MYOM1: variants seen among roughly 807,000 people sequenced by gnomAD.
The protein encoded by MYOM1 is myomesin 1, also known as myomesin-1.
MYOM1 carries 164 observed loss-of-function variants against 205.3 expected under a neutral mutation model. The observed-to-expected ratio is 0.80, with a 90% confidence interval of 0.70 to 0.91. The LOEUF (loss-of-function observed/expected upper bound fraction) is 0.91, where lower values mean the gene tolerates loss of function less well. MYOM1 is among the 40% of genes least tolerant of loss of function. MYOM1 has a pLI of 0.00. For missense variants in MYOM1, 2,011 were observed against 2,127.3 expected, an observed-to-expected ratio of 0.95 and a Z score of 1.08; for synonymous variants, 772 against 789.4, an observed-to-expected ratio of 0.98 and a Z score of 0.37.
chr18:3,150,029 T>A (rs146813501), intron 12 of MYOM1, among the ~76,000 whole-genome samples: 1 of 152,172 alleles, frequency 6.6e-6, no homozygotes, highest in Non-Finnish European at 1.5e-5. Flanking sequence ...AGGAGCCTGA[T>A]GAGACACGGT....
At chr18:3,243,181 C>G in the MYOM1 span, among the ~76,000 whole-genome samples, 2 of 152,020 alleles carry the variant, frequency 1.3e-5, no homozygotes, top group Non-Finnish European at 2.9e-5. Context: ...AATTATTATA[C>G]AGATTTATGT....
intron 36 of MYOM1, among the ~76,000 whole-genome samples, chr18:3,072,129 C>A (rs550909435): frequency 1.3e-5 from 2 of 151,416 alleles, no homozygotes. Flanking sequence ...CGGCTCACTG[C>A]AACCTCTGCC....
In MYOM1 at chr18:3,145,203, T is replaced by C. The variant is rs550702801; in HGVS notation, c.1901-3140A>G. Among the ~76,000 whole-genome samples, 16 of 150,824 alleles carry C rather than the reference T, an allele frequency of 1.1e-4. No individual in the cohort carries two copies. In the East Asian group the frequency reaches 2.5e-3, roughly 24 times the overall value. On this transcript the variant is annotated intron_variant, in intron 13 of 37. Coordinates refer to ENST00000356443, the MANE Select transcript of MYOM1 (RefSeq NM_003803.4). The stretch of plus-strand genomic sequence containing the variant: ...ATGTGCCTATAATCCCAGCTACTCA[T>C]GGGGGCTGAAGCAGGAGAATCACTT...
In MYOM1 at chr18:3,189,035, C is replaced by T; in HGVS notation, c.484G>A (p.Ala162Thr). ...TTCCTCTGGGCTATATAAGCAGCAGCTTCTTTAATTCTTTCTTCTTCCGTA... is the reference window on the plus strand; with the variant it reads ...TTCCTCTGGGCTATATAAGCAGCAGTTTCTTTAATTCTTTCTTCTTCCGTA... Reference protein sequence around the residue: ...TDTEEERIKEAAAYIAQRNLL... With the variant: ...TDTEEERIKETAAYIAQRNLL... The change falls in exon 4 of 38, where the codon GCT becomes ACT. Residue 162 changes from alanine to threonine, a missense_variant. Ala to Thr is a moderately conservative substitution (Grantham distance 58). Coordinates refer to ENST00000356443, the MANE Select transcript of MYOM1 (RefSeq NM_003803.4). The surrounding 1 kb of genome is among the most constrained non-coding windows in gnomAD (Gnocchi z 4.8). The T allele has an allele frequency of 6.2e-7, 1 of 1,613,658 alleles. No individual in the cohort carries two copies. The highest frequency in any genetic ancestry group is 8.5e-7 in the Non-Finnish European group (1 of 1,179,820).
chr18:3,102,756 C>T (rs1038345832), intron 22 of MYOM1, 126 bp from the exon 23 acceptor site: 2 of 927,954 alleles, frequency 2.2e-6, no homozygotes, highest in African/African-American at 3.3e-5. Flanking sequence ...GGAAAAGCTT[C>T]ACTACTCATG....
chr18:3,106,485 A>G (rs904473379), intron 22 of MYOM1, among the ~76,000 whole-genome samples: 2 of 152,172 alleles, frequency 1.3e-5, no homozygotes, highest in African/African-American at 4.8e-5. Context: ...TTTAGAAAAG[A>G]ATGTGGAAAT....
chr18:3,067,255 C>T lies in MYOM1; in HGVS notation c.*7G>A, dbSNP rs370160248. ...CACAGGCCGGCTGGCTCTCCTCGCA[C>T]CTCCGGTCACTTGGCCTTCTTGCCA... is the stretch of plus-strand genomic sequence containing the variant. On this transcript the variant is annotated 3_prime_UTR_variant, in exon 38 of 38. Transcript: ENST00000356443. The T allele has an allele frequency of 1.9e-6, 3 of 1,586,282 alleles. No homozygotes were observed. Among genetic ancestry groups the T allele is most frequent in the African/African-American group, 2.7e-5 (2 of 74,238 alleles).
At chr18:3,082,948 G>T (rs150145896) in intron 33 of MYOM1, among the ~76,000 whole-genome samples, 4 of 152,182 alleles carry the variant, frequency 2.6e-5, no homozygotes, top group African/African-American at 4.8e-5. Context: ...TTGGGCACTC[G>T]TTGGATTAGG....
chr18:3,071,548 G>A (rs571701150), intron 37 of MYOM1, among the ~76,000 whole-genome samples: 4 of 152,178 alleles, frequency 2.6e-5, no homozygotes, highest in South Asian at 2.1e-4. Flanking sequence ...TAATAGAGAC[G>A]GGGTTTCACC....
intron 21 of MYOM1, among the ~76,000 whole-genome samples, chr18:3,112,711 AC>A (rs1187576378): frequency 6.6e-6 from 1 of 152,252 alleles, no homozygotes; most frequent in Non-Finnish European, 1.5e-5. Context: ...AGACTAGTGT[AC>A]GTAGGTGTCA....
intron 1 of MYOM1, among the ~76,000 whole-genome samples, chr18:3,216,410 A>G (rs1286895304): frequency 6.6e-6 from 1 of 152,258 alleles, no homozygotes; most frequent in Non-Finnish European, 1.5e-5. Context: ...AGATAGGTTA[A>G]TGTGCCAAGA....
At chr18:3,105,165 G>C (rs960338064) in intron 22 of MYOM1, among the ~76,000 whole-genome samples, 1 of 152,062 alleles carries the variant, frequency 6.6e-6, no homozygotes, top group African/African-American at 2.4e-5. Flanking sequence ...GGAGCATTGA[G>C]AATAAAGAAA....
Position 3,174,220 on chromosome 18 carries a change from G to C in MYOM1, c.1023-12C>G. On this transcript the variant is annotated splice_polypyrimidine_tract_variant and intron_variant, in intron 6 of 37. Transcript: ENST00000356443. ...CTTCAAAATCACATCTGAAAGAACAGACGGAAATGAATATCCATCGTAGTG... is the reference window on the plus strand; with the variant it reads ...CTTCAAAATCACATCTGAAAGAACACACGGAAATGAATATCCATCGTAGTG... The C allele has an allele frequency of 6.2e-7, 1 of 1,607,570 alleles. No homozygotes were observed. Among genetic ancestry groups the C allele is most frequent in the Admixed American group, 1.7e-5 (1 of 59,524 alleles).
chr18:3,137,279 G>T (rs1368997937), intron 14 of MYOM1, among the ~76,000 whole-genome samples: 3 of 152,078 alleles, frequency 2.0e-5, no homozygotes, highest in Non-Finnish European at 4.4e-5. Flanking sequence ...ACTGAAAGAT[G>T]AAGATGTTTT....
At chr18:3,194,659 G>A (rs6417013) in intron 2 of MYOM1, among the ~76,000 whole-genome samples, 82,410 of 151,834 alleles carry the variant, frequency 0.54, 23,581 homozygotes, top group African/African-American at 0.74. Context: ...GATAGCAGAG[G>A]AAAAGGACTG....
the MYOM1 span, among the ~76,000 whole-genome samples, chr18:3,242,459 C>T: frequency 3.3e-5 from 5 of 152,206 alleles, no homozygotes; most frequent in African/African-American, 9.6e-5. Context: ...CCACATGGAA[C>T]TGTAAGTCCA....
intron 5 of MYOM1, among the ~76,000 whole-genome samples, chr18:3,182,884 G>T (rs1311977420): frequency 2.7e-5 from 4 of 147,250 alleles, no homozygotes; most frequent in African/African-American, 9.9e-5. Context: ...GGGTGCAGCA[G>T]CATCCTCTGC....
chr18:3,160,600 C>G (rs1412672168), intron 10 of MYOM1, among the ~76,000 whole-genome samples: 2 of 152,146 alleles, frequency 1.3e-5, no homozygotes, highest in Non-Finnish European at 2.9e-5. Flanking sequence ...AATTATATCT[C>G]AAAAATATGC....
In MYOM1 at chr18:3,083,787, A is replaced by G; in HGVS notation, c.4484+2T>C. 1 of 1,561,144 alleles carries G rather than the reference A, an allele frequency of 6.4e-7. No homozygotes were observed. Among genetic ancestry groups the G allele is most frequent in the Admixed American group, 1.9e-5 (1 of 52,280 alleles). On this transcript the variant is annotated splice_donor_variant, in intron 33 of 37. Transcript: ENST00000356443. LOFTEE classifies it high-confidence loss of function. Reference sequence around the variant, plus strand: ...ACAGCAAGTAAGTTCTCATTTACTTACTTGTGGGACCAGTTAACTTTCAAA... The same window carrying G: ...ACAGCAAGTAAGTTCTCATTTACTTGCTTGTGGGACCAGTTAACTTTCAAA...
Sources: gnomAD v4.1 joint callset for allele counts (sites outside exome capture counted in the v4.1 genomes callset) on GRCh38, gnomAD v4.1.1 for gene constraint, Gnocchi (gnomAD v3.1) non-coding constraint, MANE v1.5 for transcripts, NCBI Gene and HGNC (gene_info 2026-07-23, HGNC 2026-07-21) for gene names.